ABCB7: variants seen among roughly 807,000 people sequenced by gnomAD.
ABCB7 encodes ATP binding cassette subfamily B member 7, also known as iron-sulfur clusters transporter ABCB7, mitochondrial.
Under a neutral mutation model 54.4 loss-of-function variants are expected in ABCB7, and 7 were observed. The observed-to-expected ratio is 0.13, with a 90% CI of 0.07 to 0.24. ABCB7 has a LOEUF of 0.24. Among genes scored for constraint, ABCB7 ranks in the 10% least tolerant of loss-of-function variants. The pLI is 1.00. For synonymous variants in ABCB7, 218 were observed against 207.1 expected (o/e 1.05, Z -0.45); for missense variants, 356 against 570.4 (o/e 0.62, Z 3.83).
chrX:75,109,090 G>T (rs768971550), intron 3 of ABCB7, among the ~76,000 whole-genome samples: 1 of 111,649 alleles, frequency 9.0e-6, no homozygotes, highest in Non-Finnish European at 1.9e-5. Flanking sequence ...AAATAAAACT[G>T]GAAGTACCAA....
In ABCB7 at chrX:75,052,505, A is replaced by G. The variant is rs1334729868; in HGVS notation, c.*865T>C. 3 of 107,907 alleles carry G rather than the reference A, an allele frequency of 2.8e-5. No individual in the cohort carries two copies. Among genetic ancestry groups the G allele is most frequent in the African/African-American group, 1.0e-4 (3 of 29,080 alleles). The allele number at this position is 107,907 out of a possible 1,213,427, so 8.9% of individuals were successfully genotyped here. On this transcript the variant is annotated 3_prime_UTR_variant, in exon 16 of 16. Coordinates refer to ENST00000373394, the MANE Select transcript of ABCB7 (RefSeq NM_001271696.3). Reference sequence around the variant, plus strand: ...AAAAAATTCTAAGTATAGGCTGGGCATGATGGCTCACACCTGTAATCCCAG... The same window carrying G: ...AAAAAATTCTAAGTATAGGCTGGGCGTGATGGCTCACACCTGTAATCCCAG...
chrX:75,081,244 C>T (rs1163012318), intron 4 of ABCB7, among the ~76,000 whole-genome samples: 3 of 112,021 alleles, frequency 2.7e-5, no homozygotes, highest in Non-Finnish European at 5.6e-5. Flanking sequence ...CAGGATGACA[C>T]AAACATTACA....
chrX:75,131,571 C>G (rs2081973622), intron 1 of ABCB7, among the ~76,000 whole-genome samples: 1 of 111,665 alleles, frequency 9.0e-6, no homozygotes, highest in African/African-American at 3.3e-5. Flanking sequence ...AACAAATCCC[C>G]TTCAGTCTCA....
At chrX:75,074,978 G>A (rs1355078201) in intron 6 of ABCB7, among the ~76,000 whole-genome samples, 3 of 110,532 alleles carry the variant, frequency 2.7e-5, no homozygotes, top group Non-Finnish European at 5.7e-5. Flanking sequence ...GGTACCCCCT[G>A]AAGCTAAAAG....
rs754341584 is a variant in ABCB7, at chrX:75,082,729, A to C, written c.454-6075T>G. 8.1e-5 allele frequency among the ~76,000 whole-genome samples: 9 copies of C among 111,101 alleles called. No homozygotes were observed. In the South Asian group the frequency reaches 3.1e-3, roughly 38 times the overall value. On this transcript the variant is annotated intron_variant, in intron 4 of 15. Transcript: ENST00000373394. ...AACTTACAGAGTAGTAAGTTTTTAC[A>C]TTTCATTTGAAGTAGTAAAATATTG...
intron 1 of ABCB7, among the ~76,000 whole-genome samples, chrX:75,154,584 G>A (rs894914338): frequency 9.0e-6 from 1 of 111,647 alleles, no homozygotes; most frequent in Non-Finnish European, 1.9e-5. Flanking sequence ...TCTAAACTAC[G>A]TGCAGTTCTA....
At chrX:75,131,265 A>G (rs1302804150) in intron 1 of ABCB7, among the ~76,000 whole-genome samples, 13 of 109,574 alleles carry the variant, frequency 1.2e-4, no homozygotes, top group Non-Finnish European at 2.1e-4. Flanking sequence ...CATTGAAAGG[A>G]AAGAATGTTG....
At chrX:75,094,774 C>A (rs1300985022) in intron 4 of ABCB7, among the ~76,000 whole-genome samples, 3 of 110,478 alleles carry the variant, frequency 2.7e-5, no homozygotes, top group Non-Finnish European at 5.7e-5. Context: ...ATATGATACT[C>A]CTATGATATA....
At chrX:75,070,988 T>C (rs1457065729) in intron 9 of ABCB7, among the ~76,000 whole-genome samples, 1 of 110,240 alleles carries the variant, frequency 9.1e-6, no homozygotes, top group Non-Finnish European at 1.9e-5. Context: ...GACCTAAATA[T>C]GTTTTCCACA....
chrX:75,094,785 T>C (rs1453636586), intron 4 of ABCB7, among the ~76,000 whole-genome samples: 2 of 111,012 alleles, frequency 1.8e-5, no homozygotes, highest in Admixed American at 9.6e-5. Flanking sequence ...CTATGATATA[T>C]GTATAGATGG....
intron 4 of ABCB7, among the ~76,000 whole-genome samples, chrX:75,083,329 G>T (rs972643185): frequency 9.0e-6 from 1 of 111,338 alleles, no homozygotes; most frequent in Non-Finnish European, 1.9e-5. Context: ...ATGTCCTCAT[G>T]GAGTCAAAAT....
chrX:75,130,021 T>A (rs2081963897), intron 1 of ABCB7, among the ~76,000 whole-genome samples: 1 of 111,459 alleles, frequency 9.0e-6, no homozygotes, highest in East Asian at 2.8e-4. Context: ...TTGTTCAAGT[T>A]CATACAGCCT....
chrX:75,086,999 A>G (rs6647087), intron 4 of ABCB7, among the ~76,000 whole-genome samples: 12,293 of 111,499 alleles, frequency 0.11, 1,691 homozygotes, highest in African/African-American at 0.38. Flanking sequence ...TTAAAAGGAG[A>G]AGGAACCCTT....
In ABCB7 at chrX:75,052,193, G is replaced by A. The variant is rs1049159662; in HGVS notation, c.*1177C>T. 1.8e-5 allele frequency: 2 copies of A among 111,562 alleles called. No individual in the cohort carries two copies. Among genetic ancestry groups the A allele is most frequent in the African/African-American group, 6.5e-5 (2 of 30,657 alleles). 9.2% of individuals were successfully genotyped at this position (111,562 alleles called of 1,213,427 possible). A position where few individuals can be genotyped will look rare whatever the true frequency, so the allele number is the denominator to read the frequency against. ...ACTTCAAAAATTCTAGCGGCCGGGTGCGGTGGCTCAAGCCTGTAATCCCAG... is the reference window on the plus strand; with the variant it reads ...ACTTCAAAAATTCTAGCGGCCGGGTACGGTGGCTCAAGCCTGTAATCCCAG... On this transcript the variant is annotated 3_prime_UTR_variant, in exon 16 of 16. Coordinates refer to ENST00000373394, the MANE Select transcript of ABCB7 (RefSeq NM_001271696.3).
intron 2 of ABCB7, among the ~76,000 whole-genome samples, chrX:75,113,739 C>G (rs1370068390): frequency 1.8e-5 from 2 of 111,688 alleles, no homozygotes; most frequent in Non-Finnish European, 3.8e-5. Flanking sequence ...TCATACATAG[C>G]ATAGCAATAT....
intron 4 of ABCB7, among the ~76,000 whole-genome samples, chrX:75,091,382 A>T (rs1275164621): frequency 3.6e-5 from 4 of 111,109 alleles, no homozygotes; most frequent in African/African-American, 1.3e-4. Flanking sequence ...AAATCATTTA[A>T]CAAAATCCAA....
intron 12 of ABCB7, among the ~76,000 whole-genome samples, chrX:75,066,577 A>G (rs751711058): frequency 2.6e-3 from 284 of 111,201 alleles, no homozygotes; most frequent in African/African-American, 8.8e-3. Context: ...TAACTGTGAG[A>G]TGATGGACAT....
chrX:75,086,362 A>ATC (rs926073514), intron 4 of ABCB7, among the ~76,000 whole-genome samples: 3 of 111,773 alleles, frequency 2.7e-5, no homozygotes, highest in Non-Finnish European at 5.6e-5. Flanking sequence ...AGTATGCTAT[A>ATC]TCTACATGGT....
chrX:75,094,034 ATATATATATATATATATATC>A (rs1195417969), intron 4 of ABCB7, among the ~76,000 whole-genome samples: 7 of 34,654 alleles, frequency 2.0e-4, no homozygotes, highest in East Asian at 4.4e-4. Flanking sequence ...ATATATATAT[ATATATATATATATATATATC>A]TATCTTATTA....
Sources: allele counts gnomAD v4.1 joint callset (sites outside exome capture counted in the v4.1 genomes callset), GRCh38; gene constraint gnomAD v4.1.1; transcripts MANE v1.5; gene names NCBI Gene and HGNC (gene_info 2026-07-23, HGNC 2026-07-21).